The following ZFYVE28 variants were observed in gnomAD, a reference collection of about 807,000 sequenced individuals.
ZFYVE28 encodes lateral signaling target protein 2 homolog.
In ZFYVE28, 40 loss-of-function variants were observed where a neutral mutation model predicts 82.1. That is an observed-to-expected ratio of 0.49 (90% CI 0.38 to 0.63). The LOEUF (loss-of-function observed/expected upper bound fraction) is 0.63, where lower values mean the gene tolerates loss of function less well. Among genes scored for constraint, ZFYVE28 ranks in the 30% least tolerant of loss-of-function variants. ZFYVE28 has a pLI of 0.00. For missense variants in ZFYVE28, 1,321 were observed against 1,242.1 expected, an observed-to-expected ratio of 1.06 and a Z score of -0.96; for synonymous variants, 612 against 546.1, an observed-to-expected ratio of 1.12 and a Z score of -1.68.
At chr4:2,364,853 G>A (rs2108897718) in intron 1 of ZFYVE28, 2 of 985,518 alleles carry the variant, frequency 2.0e-6, no homozygotes, top group Non-Finnish European at 2.4e-6. Flanking sequence ...AAACCCCCAC[G>A]TCGCCGCGGC....
chr4:2,372,108 C>T lies in ZFYVE28; in HGVS notation c.40-18035G>A, dbSNP rs1206540500. 6.6e-6 allele frequency among the ~76,000 whole-genome samples: 1 copy of T among 152,148 alleles called. No homozygotes were observed. The highest frequency in any genetic ancestry group is 1.9e-4 in the East Asian group (1 of 5,182). Reference sequence around the variant, plus strand: ...TGTGGCCGGTTCTGGTGCGCATGGCCCATGTGGACATCTGTCAGAACTGGG... The same window carrying T: ...TGTGGCCGGTTCTGGTGCGCATGGCTCATGTGGACATCTGTCAGAACTGGG... On this transcript the variant is annotated intron_variant, in intron 1 of 12. Transcript: ENST00000290974. The surrounding 1 kb of genome is among the most constrained non-coding windows in gnomAD (Gnocchi z 5.2).
intron 1 of ZFYVE28, chr4:2,365,018 G>C (rs1022553500): frequency 7.9e-6 from 4 of 509,004 alleles, no homozygotes; most frequent in African/African-American, 2.1e-5. Context: ...GGCCCCGCAC[G>C]CGGAAGTGGG....
At chr4:2,284,064 G>A (rs1295090612) in intron 8 of ZFYVE28, among the ~76,000 whole-genome samples, 1 of 152,232 alleles carries the variant, frequency 6.6e-6, no homozygotes, top group Non-Finnish European at 1.5e-5. Flanking sequence ...AAGAGTTTGA[G>A]GAACAGAGCA....
intron 5 of ZFYVE28, among the ~76,000 whole-genome samples, chr4:2,336,355 T>G (rs958930393): frequency 6.6e-6 from 1 of 152,194 alleles, no homozygotes; most frequent in African/African-American, 2.4e-5. Context: ...ATTTGAAATA[T>G]CTCTCAAAGC....
At chr4:2,404,857 C>CTTTTTTT (rs11404626) in intron 1 of ZFYVE28, among the ~76,000 whole-genome samples, 13 of 110,992 alleles carry the variant, frequency 1.2e-4, no homozygotes, top group East Asian at 2.6e-4. Context: ...CAGTCTCGCT[C>CTTTTTTT]TTTTTTTTTT....
intron 1 of ZFYVE28, among the ~76,000 whole-genome samples, chr4:2,370,640 G>C (rs571540606): frequency 1.3e-5 from 2 of 152,292 alleles, no homozygotes; most frequent in South Asian, 4.1e-4. Flanking sequence ...GGGCCAGAGG[G>C]AGCACCCACC....
intron 2 of ZFYVE28, among the ~76,000 whole-genome samples, chr4:2,349,183 T>C (rs1233084389): frequency 1.3e-5 from 2 of 152,132 alleles, no homozygotes; most frequent in Non-Finnish European, 2.9e-5. Flanking sequence ...ATTCAAACTT[T>C]TGGCAGCTCG....
intron 8 of ZFYVE28, among the ~76,000 whole-genome samples, chr4:2,280,311 C>A (rs747237262): frequency 6.6e-6 from 1 of 152,022 alleles, no homozygotes; most frequent in Non-Finnish European, 1.5e-5. Context: ...AGTTCAAGAC[C>A]AGTCTGGGCA....
chr4:2,391,564 T>G (rs1327744884), intron 1 of ZFYVE28, among the ~76,000 whole-genome samples: 1 of 151,220 alleles, frequency 6.6e-6, no homozygotes, highest in East Asian at 1.9e-4. Flanking sequence ...TTCACACTGT[T>G]GTACCACCAT....
At chr4:2,381,953 G>T (rs1464111519) in intron 1 of ZFYVE28, among the ~76,000 whole-genome samples, 1 of 152,224 alleles carries the variant, frequency 6.6e-6, no homozygotes, top group African/African-American at 2.4e-5. Context: ...TTGGTGCCCT[G>T]TGTCCCAGCT....
chr4:2,305,002 C>T lies in ZFYVE28; in HGVS notation c.1338G>A (p.Gly446=). The change falls in exon 8 of 13, where the codon GGG becomes GGA. Residue 446 remains glycine, a synonymous_variant. Transcript: ENST00000290974. ...KGQGGPGGAA[G]ISLPASEKEE... The stretch of plus-strand genomic sequence containing the variant: ...CCTTTTCCGAGGCGGGCAAGCTGAT[C>T]CCCGCCGCTCCGCCTGGCCCACCCT... 1 of 1,612,736 alleles carries T rather than the reference C, an allele frequency of 6.2e-7. No homozygotes were observed. The highest frequency in any genetic ancestry group is 8.5e-7 in the Non-Finnish European group (1 of 1,179,872).
chr4:2,274,878 C>T (rs1335005119), intron 8 of ZFYVE28, among the ~76,000 whole-genome samples: 41 of 135,534 alleles, frequency 3.0e-4, no homozygotes, highest in African/African-American at 7.4e-5. Flanking sequence ...CTGGGAGAGG[C>T]GAGAGGAGCC....
intron 8 of ZFYVE28, among the ~76,000 whole-genome samples, chr4:2,301,571 T>C (rs1331537434): frequency 6.6e-6 from 1 of 152,152 alleles, no homozygotes; most frequent in Non-Finnish European, 1.5e-5. Context: ...GTTAAGAGGC[T>C]GTGTCCATCA....
Position 2,339,387 on chromosome 4 carries a change from C to G in ZFYVE28, c.521+66G>C. On this transcript the variant is annotated intron_variant, in intron 4 of 12. Coordinates refer to ENST00000290974, the MANE Select transcript of ZFYVE28 (RefSeq NM_020972.3). The surrounding 1 kb of genome is among the most constrained non-coding windows in gnomAD (Gnocchi z 5.0). ...TCCAGCTTGAAGTATCAGGGTGAGC[C>G]CCGGAAGCTGGCACAACCGTCCCCC... The G allele has an allele frequency of 6.5e-7, 1 of 1,536,720 alleles. No homozygotes were observed. The highest frequency in any genetic ancestry group is 8.8e-7 in the Non-Finnish European group (1 of 1,132,380).
At chr4:2,399,702 C>G (rs1268261342) in intron 1 of ZFYVE28, among the ~76,000 whole-genome samples, 1 of 152,244 alleles carries the variant, frequency 6.6e-6, no homozygotes, top group South Asian at 2.1e-4. Context: ...GCCTCCCACC[C>G]AGCAAGTGGC....
At chr4:2,312,403 A>G (rs1166790986) in intron 7 of ZFYVE28, among the ~76,000 whole-genome samples, 2 of 151,808 alleles carry the variant, frequency 1.3e-5, no homozygotes, top group African/African-American at 4.8e-5. Flanking sequence ...AAAAATTTCC[A>G]TTGACTTCTG....
Position 2,341,275 on chromosome 4 carries a change from G to A in ZFYVE28, c.318+203C>T, listed in dbSNP as rs1722753095. On this transcript the variant is annotated intron_variant, in intron 3 of 12. Transcript: ENST00000290974. The surrounding 1 kb of genome is among the most constrained non-coding windows in gnomAD (Gnocchi z 4.5). ...TTCATTTGTATGTATAGTTTTGGGG[G>A]CACCAGTTCATGGCTTTCCCAGATC... 1.2e-5 allele frequency: 8 copies of A among 658,440 alleles called. No homozygotes were observed. The East Asian group carries it at 2.2e-4, about 18-fold the overall frequency. The allele number at this position is 658,440 out of a possible 1,614,324, so 40.8% of individuals were successfully genotyped here.
intron 2 of ZFYVE28, among the ~76,000 whole-genome samples, chr4:2,349,743 A>G (rs534262385): frequency 2.0e-4 from 30 of 152,274 alleles, no homozygotes; most frequent in South Asian, 8.3e-4. Flanking sequence ...AAAACCATCA[A>G]TGTAATTTAC....
At chr4:2,399,032 G>GGGTGAGATCAAGGGCACAAGCGTGGA (rs1730831557) in intron 1 of ZFYVE28, among the ~76,000 whole-genome samples, 1 of 50,346 alleles carries the variant, frequency 2.0e-5, no homozygotes, top group Non-Finnish European at 4.8e-5. Context: ...GCACAAGGTG[G>GGGTGAGATCAAGGGCACAAGCGTGGA]GGTGAGATCC....
Sources: allele counts gnomAD v4.1 joint callset (sites outside exome capture counted in the v4.1 genomes callset), GRCh38; gene constraint gnomAD v4.1.1; non-coding constraint Gnocchi (gnomAD v3.1); transcripts MANE v1.5; gene names NCBI Gene and HGNC (gene_info 2026-07-23, HGNC 2026-07-21).